Variants in MACROD2 observed in about 807,000 individuals in gnomAD.
MACROD2 encodes ADP-ribose glycohydrolase MACROD2.
In MACROD2, 36 loss-of-function variants were observed where a neutral mutation model predicts 70.4. The observed-to-expected ratio is 0.51, with a 90% CI of 0.39 to 0.68. The LOEUF is 0.68. Ranked by LOEUF, MACROD2 falls within the 30% of genes least tolerant of loss-of-function variation. The probability of loss-of-function intolerance (pLI) is 0.00; values close to 1 mark genes in which losing one functional copy is unlikely to be tolerated. For missense variants in MACROD2, 496 were observed against 538.4 expected, an observed-to-expected ratio of 0.92 and a Z score of 0.78; for synonymous variants, 172 against 178.8, an observed-to-expected ratio of 0.96 and a Z score of 0.30.
At chr20:15,910,138 A>G (rs890692708) in intron 10 of MACROD2, among the ~76,000 whole-genome samples, 11 of 152,052 alleles carry the variant, frequency 7.2e-5, no homozygotes, top group African/African-American at 2.7e-4. Flanking sequence ...TCATCAACTC[A>G]CTTTTCTGTT....
chr20:13,997,966 G>T (rs1174811283), intron 1 of MACROD2, among the ~76,000 whole-genome samples: 1 of 152,056 alleles, frequency 6.6e-6, no homozygotes, highest in Admixed American at 6.5e-5. Context: ...GAAGCTGATG[G>T]TATAGTATTT....
intron 5 of MACROD2, chr20:15,021,643 G>T (rs1328559774): frequency 6.6e-6 from 1 of 151,734 alleles, no homozygotes; most frequent in African/African-American, 2.4e-5. Flanking sequence ...TAGTATATGT[G>T]TTGCCAAAGC....
intron 8 of MACROD2, among the ~76,000 whole-genome samples, chr20:15,732,007 C>T (rs1431415438): frequency 7.3e-6 from 1 of 136,660 alleles, no homozygotes; most frequent in Non-Finnish European, 1.6e-5. Context: ...CCACCCACCT[C>T]GGCCTCCCAG....
intron 3 of MACROD2, among the ~76,000 whole-genome samples, chr20:14,472,147 G>T (rs570583439): frequency 1.3e-5 from 2 of 152,046 alleles, no homozygotes; most frequent in South Asian, 4.1e-4. Flanking sequence ...TTAATATTTT[G>T]ATTTTCTTCT....
rs1273930340 is a variant in MACROD2 at position 14,006,096 on chromosome 20, T to C, written c.163+3692T>C. ...TACACAATGACTTACCATTGTGTTATAGTTGCCTACAGTATTCTGTACAGT... is the reference window on the plus strand; with the variant it reads ...TACACAATGACTTACCATTGTGTTACAGTTGCCTACAGTATTCTGTACAGT... On this transcript the variant is annotated intron_variant, in intron 2 of 17. Transcript: ENST00000684519. 4.6e-5 allele frequency among the ~76,000 whole-genome samples: 7 copies of C among 152,228 alleles called. No homozygotes were observed. The East Asian group carries it at 9.6e-4, about 21-fold the overall frequency.
chr20:15,572,645 G>T (rs73260615), intron 8 of MACROD2, among the ~76,000 whole-genome samples: 1 of 151,926 alleles, frequency 6.6e-6, no homozygotes, highest in Non-Finnish European at 1.5e-5. Flanking sequence ...TATATTATCT[G>T]TACTATGATT....
chr20:15,655,248 G>A (rs778931011), intron 8 of MACROD2, among the ~76,000 whole-genome samples: 3 of 151,360 alleles, frequency 2.0e-5, no homozygotes, highest in Non-Finnish European at 4.4e-5. Flanking sequence ...AATTACCTTG[G>A]TATGTGCATA....
At chr20:15,329,307 T>A (rs578206204) in intron 6 of MACROD2, among the ~76,000 whole-genome samples, 78 of 151,770 alleles carry the variant, frequency 5.1e-4, no homozygotes, top group Non-Finnish European at 8.4e-4. Context: ...AGGGTGAGAG[T>A]GGTGTATCTG....
intron 12 of MACROD2, among the ~76,000 whole-genome samples, chr20:15,960,947 T>C (rs572273191): frequency 3.3e-5 from 5 of 152,258 alleles, no homozygotes; most frequent in African/African-American, 1.2e-4. Context: ...GAGGTGGAGA[T>C]AGTTGGGAAG....
At chr20:14,316,828 G>A (rs964680175) in intron 3 of MACROD2, among the ~76,000 whole-genome samples, 2 of 152,136 alleles carry the variant, frequency 1.3e-5, no homozygotes, top group African/African-American at 4.8e-5. Context: ...TCCACACAGT[G>A]TTTCTCCATA....
At chr20:14,734,395 G>A (rs6135241) in intron 5 of MACROD2, among the ~76,000 whole-genome samples, 3 of 149,498 alleles carry the variant, frequency 2.0e-5, no homozygotes, top group African/African-American at 7.4e-5. Context: ...CAGCTACTCA[G>A]GAGGCTGAGG....
intron 5 of MACROD2, among the ~76,000 whole-genome samples, chr20:15,122,339 C>T (rs1030325935): frequency 4.6e-5 from 7 of 152,078 alleles, no homozygotes; most frequent in African/African-American, 1.7e-4. Flanking sequence ...GAGGGATGAG[C>T]CTGAGTGAAC....
At chr20:14,437,487 G>C (rs2084069628) in intron 3 of MACROD2, among the ~76,000 whole-genome samples, 1 of 152,036 alleles carries the variant, frequency 6.6e-6, no homozygotes, top group South Asian at 2.1e-4. Context: ...CTAGATACTT[G>C]GGAGGCTAAG....
At chr20:15,044,528 G>A (rs2075378621) in intron 5 of MACROD2, among the ~76,000 whole-genome samples, 1 of 152,058 alleles carries the variant, frequency 6.6e-6, no homozygotes, top group Admixed American at 6.5e-5. Context: ...CTGGAGAGCT[G>A]ATCTGTATGG....
chr20:15,047,667 T>C (rs1043847065), intron 5 of MACROD2, among the ~76,000 whole-genome samples: 21 of 152,200 alleles, frequency 1.4e-4, no homozygotes, highest in Admixed American at 1.4e-3. Context: ...GGGTATATGG[T>C]AAGACTGCAT....
At chr20:14,024,772 G>A (rs76089604) in intron 2 of MACROD2, among the ~76,000 whole-genome samples, 30,673 of 152,104 alleles carry the variant, frequency 0.2, 3,425 homozygotes, top group African/African-American at 0.3. Flanking sequence ...AATTCGGTTC[G>A]CCAGTACTTT....
At chr20:15,059,606 T>G (rs980065986) in intron 5 of MACROD2, among the ~76,000 whole-genome samples, 1 of 152,168 alleles carries the variant, frequency 6.6e-6, no homozygotes, top group Admixed American at 6.5e-5. Flanking sequence ...AGTTTATCCC[T>G]TCTTTTCAAT....
chr20:15,869,238 T>TATATATATATATATATATATATAG, intron 9 of MACROD2, among the ~76,000 whole-genome samples: 1 of 28,300 alleles, frequency 3.5e-5, no homozygotes, highest in East Asian at 9.4e-4. Flanking sequence ...TATATATATA[T>TATATATATATATATATATATATAG]AGAGAGAGAG....
intron 5 of MACROD2, among the ~76,000 whole-genome samples, chr20:15,080,687 C>T (rs1000555328): frequency 6.6e-6 from 1 of 152,104 alleles, no homozygotes; most frequent in Non-Finnish European, 1.5e-5. Flanking sequence ...CTCATTCATG[C>T]ACTTGTCTGT....
Sources: allele counts gnomAD v4.1 joint callset (sites outside exome capture counted in the v4.1 genomes callset), GRCh38; gene constraint gnomAD v4.1.1; transcripts MANE v1.5; gene names NCBI Gene and HGNC (gene_info 2026-07-23, HGNC 2026-07-21).